The following DNAH17 variants were observed in gnomAD, a reference collection of about 807,000 sequenced individuals.
The protein encoded by DNAH17 is axonemal beta dynein heavy chain 17.
DNAH17 carries 376 observed loss-of-function variants against 485.6 expected under a neutral mutation model. That is an observed-to-expected ratio of 0.77 (90% confidence interval 0.71 to 0.84). The LOEUF (loss-of-function observed/expected upper bound fraction) is 0.84. Among genes scored for constraint, DNAH17 ranks in the 40% least tolerant of loss-of-function variants. DNAH17 has a pLI of 0.00. For missense variants in DNAH17, 6,370 were observed against 5,839.3 expected (o/e 1.09, Z -2.96); for synonymous variants, 3,031 against 2,405.9 (o/e 1.26, Z -7.60).
chr17:78,447,997 C>T (rs1038578630), intron 69 of DNAH17, among the ~76,000 whole-genome samples: 2 of 151,974 alleles, frequency 1.3e-5, no homozygotes, highest in Non-Finnish European at 2.9e-5. Context: ...CATGGAGAAA[C>T]CCCGTCTCAA....
chr17:78,447,750 T>C (rs2087369984), intron 69 of DNAH17, among the ~76,000 whole-genome samples: 1 of 152,212 alleles, frequency 6.6e-6, no homozygotes, highest in Admixed American at 6.5e-5. Flanking sequence ...CTTCATAATA[T>C]GGACCCCATT....
rs989859763 is a variant in DNAH17, at chr17:78,425,393, G to A, written c.13094C>T (p.Thr4365Ile). ...GTAGGAGCCCTCTCGCGGAGGAGCG[G>A]TCATGTCCTCTCGGTTTTTCTTGGT... ...EVTKKNREDM[T>I]APPREGSYVY... The change falls in exon 80 of 81, where the codon ACC becomes ATC. Residue 4365 changes from threonine (T) to isoleucine (I), a missense_variant. Coordinates refer to ENST00000389840, the MANE Select transcript of DNAH17 (RefSeq NM_173628.4). The A allele has an allele frequency of 3.7e-6, 6 of 1,614,024 alleles. No individual in the cohort carries two copies. Among genetic ancestry groups the A allele is most frequent in the Non-Finnish European group, 5.1e-6 (6 of 1,179,894 alleles).
intron 16 of DNAH17, among the ~76,000 whole-genome samples, chr17:78,544,800 CAAAAA>C (rs55669221): frequency 1.1e-3 from 50 of 46,876 alleles, no homozygotes; most frequent in South Asian, 6.7e-3. Context: ...GACTCAGTCT[CAAAAA>C]AAAAAAAAAA....
At chr17:78,566,792 C>CA in intron 10 of DNAH17, 62 bp from the exon 11 acceptor site, 2 of 1,405,792 alleles carry the variant, frequency 1.4e-6, no homozygotes, top group Non-Finnish European at 2.0e-6. Context: ...AGGGCACCCT[C>CA]TCCAGCCCCT....
Position 78,502,603 on chromosome 17 carries a change from A to G in DNAH17, c.5178T>C (p.Tyr1726=), listed in dbSNP as rs1390720641. 2 of 1,612,196 alleles carry G rather than the reference A, an allele frequency of 1.2e-6. No individual in the cohort carries two copies. Among genetic ancestry groups the G allele is most frequent in the Non-Finnish European group, 1.7e-6 (2 of 1,179,434 alleles). ...ACTAGTAACACACCTGCTTTTTGTT[A>G]TAATCTCTGATAGCGTTTTCATAGC... ...EEGYENAIRD[Y]NKKQISQLNV... is the part of the protein sequence containing the mutation. Residue 1726 remains tyrosine (Y), a synonymous_variant, in exon 33 of 81, where the codon TAT becomes TAC. Transcript: ENST00000389840.
At chr17:78,537,744 C>G (rs2091416287) in intron 18 of DNAH17, among the ~76,000 whole-genome samples, 1 of 152,244 alleles carries the variant, frequency 6.6e-6, no homozygotes, top group African/African-American at 2.4e-5. Context: ...GACCTCGGTT[C>G]AAAGCCCACA....
intron 54 of DNAH17, among the ~76,000 whole-genome samples, chr17:78,469,800 C>A: frequency 6.6e-6 from 1 of 152,174 alleles, no homozygotes. Context: ...GGACATGACG[C>A]TGAGTAAAAT....
At chr17:78,555,347 G>A (rs536378540) in intron 14 of DNAH17, among the ~76,000 whole-genome samples, 1 of 152,030 alleles carries the variant, frequency 6.6e-6, no homozygotes, top group Non-Finnish European at 1.5e-5. Flanking sequence ...CCTCTTTAGT[G>A]TGCTCGTGAC....
intron 54 of DNAH17, among the ~76,000 whole-genome samples, chr17:78,471,379 T>C (rs974218323): frequency 2.6e-5 from 4 of 152,220 alleles, no homozygotes; most frequent in Non-Finnish European, 5.9e-5. Flanking sequence ...GGCTATGTCC[T>C]TGGACCCTGC....
At chr17:78,563,884 G>A (rs2092212770) in intron 11 of DNAH17, among the ~76,000 whole-genome samples, 2 of 152,106 alleles carry the variant, frequency 1.3e-5, no homozygotes, top group African/African-American at 4.8e-5. Flanking sequence ...CGATGGAAAT[G>A]GGTTACAAGA....
intron 48 of DNAH17, 38 bp from the exon 49 acceptor site, chr17:78,480,824 C>T: frequency 6.8e-7 from 1 of 1,461,684 alleles, no homozygotes; most frequent in Non-Finnish European, 9.5e-7. Context: ...GTGCCCCTGG[C>T]CTGGAGGAAC....
At chr17:78,436,430 A>G (rs2086851840) in intron 74 of DNAH17, among the ~76,000 whole-genome samples, 2 of 152,032 alleles carry the variant, frequency 1.3e-5, no homozygotes, top group South Asian at 4.1e-4. Flanking sequence ...CTCCATCTCC[A>G]AAAAAATAGG....
chr17:78,439,125 C>A lies in DNAH17; in HGVS notation c.11770G>T (p.Val3924Leu). The change falls in exon 73 of 81, where the codon GTG (valine) becomes TTG (leucine). Residue 3924 changes from valine (V) to leucine (L), a missense_variant. Val to Leu is a conservative substitution (Grantham distance 32). Transcript: ENST00000389840. ...ACCCAGTGTCCTTTCTCTGCAGCCA[C>A]GTCCAGGGCGTTCTCAGCCACCACC... The part of the protein sequence containing the change: ...QEVVAENALD[V>L]AAEKGHWVIL... The A allele has an allele frequency of 6.2e-7, 1 of 1,613,606 alleles. No homozygotes were observed. The highest frequency in any genetic ancestry group is 8.5e-7 in the Non-Finnish European group (1 of 1,179,816).
chr17:78,508,969 GTTTT>G (rs112772580), intron 27 of DNAH17, among the ~76,000 whole-genome samples: 1 of 98,798 alleles, frequency 1.0e-5, no homozygotes, highest in African/African-American at 4.4e-5. Flanking sequence ...GTGCCCAGCT[GTTTT>G]TTTTTTTTTT....
In DNAH17 at chr17:78,510,516, A is replaced by C; in HGVS notation, c.4114-10T>G. The C allele has an allele frequency of 6.2e-7, 1 of 1,613,692 alleles. No individual in the cohort carries two copies. On this transcript the variant is annotated splice_polypyrimidine_tract_variant and intron_variant, in intron 26 of 80. Transcript: ENST00000389840. Reference sequence around the variant, plus strand: ...ACATTTTAAATTTCACCTAAGGGAAAAAAATCCAGGCAGGATTCATTTCAG... The same window carrying C: ...ACATTTTAAATTTCACCTAAGGGAACAAAATCCAGGCAGGATTCATTTCAG...
intron 38 of DNAH17, 109 bp downstream of exon 38, chr17:78,495,766 C>T: frequency 7.4e-7 from 1 of 1,353,592 alleles, no homozygotes; most frequent in South Asian, 1.5e-5. Flanking sequence ...GACTTCTTCC[C>T]TCCCCAGCTT....
At position 78,426,913 on chromosome 17, in the gene DNAH17, G is replaced by C. The variant is rs751183775; in HGVS notation, c.12771+13C>G. ...CCAGCCACGTCCCTGGGGCCGGGCT[G>C]ACCCATGTTTACCTTCAGCCCCAGG... On this transcript the variant is annotated intron_variant, in intron 78 of 80. Coordinates refer to ENST00000389840, the MANE Select transcript of DNAH17 (RefSeq NM_173628.4). 2 of 1,593,702 alleles carry C rather than the reference G, an allele frequency of 1.3e-6. No individual in the cohort carries two copies. The highest frequency in any genetic ancestry group is 1.7e-6 in the Non-Finnish European group (2 of 1,169,952).
chr17:78,553,971 T>C lies in DNAH17; in HGVS notation c.2179-1166A>G, dbSNP rs555221107. The stretch of plus-strand genomic sequence containing the variant: ...CAATCTAAAGCTCAAAATCTTTTTT[T>C]TAATATAGAGATGGGATCTTGCTAT... On this transcript the variant is annotated intron_variant, in intron 14 of 80. Coordinates refer to ENST00000389840, the MANE Select transcript of DNAH17 (RefSeq NM_173628.4). 3.3e-5 allele frequency among the ~76,000 whole-genome samples: 5 copies of C among 152,212 alleles called. No individual in the cohort carries two copies. The South Asian group carries it at 1.0e-3, about 32-fold the overall frequency.
intron 17 of DNAH17, among the ~76,000 whole-genome samples, chr17:78,543,287 GTTT>G (rs56885468): frequency 1.4e-5 from 2 of 139,266 alleles, no homozygotes; most frequent in Non-Finnish European, 3.1e-5. Context: ...GTTAATTTTT[GTTT>G]TTTTTTTTTT....
Sources: gnomAD v4.1 joint callset for allele counts (sites outside exome capture counted in the v4.1 genomes callset) on GRCh38, gnomAD v4.1.1 for gene constraint, MANE v1.5 for transcripts, NCBI Gene and HGNC (gene_info 2026-07-23, HGNC 2026-07-21) for gene names.